The following APTX variants were observed in gnomAD, a reference collection of about 807,000 sequenced individuals.
APTX encodes the protein forkhead-associated domain histidine triad-like protein.
A neutral mutation model predicts 42.3 loss-of-function variants in APTX; 33 were observed. The observed-to-expected ratio is 0.78, with a 90% CI of 0.59 to 1.04. The LOEUF is 1.04. Among genes scored for constraint, APTX ranks in the 50% least tolerant of loss-of-function variants. The pLI is 0.00. For missense variants in APTX, 421 were observed against 415.1 expected (o/e 1.01, Z -0.12); for synonymous variants, 130 against 146.7 (o/e 0.89, Z 0.82).
At chr9:33,004,188 CAT>C (rs769046883), upstream of APTX, among the ~76,000 whole-genome samples, 4 of 152,224 alleles carry the variant, frequency 2.6e-5, no homozygotes, top group East Asian at 1.9e-4. Flanking sequence ...CCAAATACCA[CAT>C]GTTCTCACTT....
intron 6 of APTX, among the ~76,000 whole-genome samples, chr9:32,976,655 G>A (rs780160780): frequency 2.0e-5 from 3 of 152,116 alleles, no homozygotes; most frequent in African/African-American, 2.4e-5. Flanking sequence ...TTCTTCCTAT[G>A]AGGGAAAAAA....
chr9:32,980,836 GA>G (rs1186063690), intron 6 of APTX, among the ~76,000 whole-genome samples: 1 of 152,224 alleles, frequency 6.6e-6, no homozygotes, highest in Non-Finnish European at 1.5e-5. Flanking sequence ...GTTTGGGGAA[GA>G]AAATCAGGAA....
intron 5 of APTX, 30 bp downstream of exon 5, chr9:32,985,941 T>C: frequency 1.3e-6 from 2 of 1,595,916 alleles, no homozygotes; most frequent in Non-Finnish European, 1.7e-6. Flanking sequence ...CAACATGAAA[T>C]GTACTGAAAT....
chr9:33,005,151 AT>A (rs1427572500), upstream of APTX, among the ~76,000 whole-genome samples: 1 of 152,042 alleles, frequency 6.6e-6, no homozygotes, highest in African/African-American at 2.4e-5. Context: ...TTCTTTATAT[AT>A]TCTGGATATT....
At chr9:33,016,170 T>C (rs1837887192) in intron 1 of APTX, 1 of 152,256 alleles carries the variant, frequency 6.6e-6, no homozygotes, top group Non-Finnish European at 1.5e-5. Flanking sequence ...TCCCGAATTC[T>C]TTCCACTTTT....
chr9:33,001,532 A>C (rs535449788), intron 1 of APTX, 35 bp downstream of exon 1: 2 of 1,613,534 alleles, frequency 1.2e-6, no homozygotes, highest in Admixed American at 1.7e-5. Flanking sequence ...CATTGAGCCC[A>C]GCCAGCAGAA....
At chr9:33,021,141 AAAAG>A (rs1838346335) in intron 1 of APTX, among the ~76,000 whole-genome samples, 1 of 151,936 alleles carries the variant, frequency 6.6e-6, no homozygotes, top group African/African-American at 2.4e-5. Flanking sequence ...AAAAAAAAAA[AAAAG>A]AAAGTATGAA....
At chr9:33,024,107 C>G (rs1291435752) in intron 1 of APTX, among the ~76,000 whole-genome samples, 3 of 152,258 alleles carry the variant, frequency 2.0e-5, no homozygotes, top group Non-Finnish European at 4.4e-5. Flanking sequence ...CATGGTTTCT[C>G]TGGCAGTCTG....
Position 32,986,031 on chromosome 9 carries a change from CTAAAAAAAAAA to C in APTX, c.484-12_484-2del, listed in dbSNP as rs1831929456. 1 of 863,070 alleles carries C rather than the reference CTAAAAAAAAAA, an allele frequency of 1.2e-6. No individual in the cohort carries two copies. Among genetic ancestry groups the C allele is most frequent in the Admixed American group, 2.7e-5 (1 of 37,002 alleles). The allele number at this position is 863,070 out of a possible 1,614,324, so 53.5% of individuals were successfully genotyped here. On this transcript the variant is annotated splice_acceptor_variant and splice_polypyrimidine_tract_variant and intron_variant, in intron 4 of 7. Transcript: ENST00000379817. LOFTEE classifies it high-confidence loss of function. ...CTTGACTCCAGTGGCCCAGGGATTC[CTAAAAAAAAAA>C]CAAAAAAAAAAACAAAAAAAAAAAA...
chr9:33,005,346 CTTATG>C (rs1390724354), upstream of APTX, among the ~76,000 whole-genome samples: 1 of 150,754 alleles, frequency 6.6e-6, no homozygotes, highest in Non-Finnish European at 1.5e-5. Flanking sequence ...AAACTTTTCC[CTTATG>C]TTTTCTAAGA....
At chr9:33,006,815 A>G (rs1349436035) in intron 1 of APTX, among the ~76,000 whole-genome samples, 5 of 151,906 alleles carry the variant, frequency 3.3e-5, no homozygotes, top group African/African-American at 9.7e-5. Flanking sequence ...CCTGGCTAAC[A>G]TGGTGAAACC....
chr9:32,973,887 T>C (rs888715416), intron 7 of APTX, among the ~76,000 whole-genome samples: 2 of 151,942 alleles, frequency 1.3e-5, no homozygotes, highest in Non-Finnish European at 2.9e-5. Flanking sequence ...CTCTAGGCAA[T>C]CCATGTTACT....
In APTX at chr9:32,973,614, C is replaced by T. The variant is rs1353920862; in HGVS notation, c.913G>A (p.Val305Ile). 6.2e-7 allele frequency: 1 copy of T among 1,612,418 alleles called. No individual in the cohort carries two copies. The highest frequency in any genetic ancestry group is 8.5e-7 in the Non-Finnish European group (1 of 1,179,806). ...AAGAGCTCAGGCATCCCATCTCGGA[C>T]AGTTACTCTACCAGCCTCTTGTACC... ...EMVQEAGRVT[V>I]RDGMPELLKL... Residue 305 changes from valine to isoleucine, a missense_variant, in exon 8 of 8, where the codon GTC (valine) becomes ATC (isoleucine). Coordinates refer to ENST00000379817, the MANE Select transcript of APTX (RefSeq NM_001195248.2).
At chr9:33,003,621 G>C (rs1836905390), upstream of APTX, among the ~76,000 whole-genome samples, 2 of 151,196 alleles carry the variant, frequency 1.3e-5, no homozygotes, top group African/African-American at 4.8e-5. Flanking sequence ...GATAGAGCAA[G>C]ACTCTGCCTC....
chr9:32,988,093 T>G lies in APTX; in HGVS notation c.170A>C (p.Lys57Thr), dbSNP rs572063713. 6.2e-7 allele frequency: 1 copy of G among 1,614,136 alleles called. No individual in the cohort carries two copies. Among genetic ancestry groups the G allele is most frequent in the Admixed American group, 1.7e-5 (1 of 60,024 alleles). Residue 57 changes from lysine (K) to threonine (T), a missense_variant, in exon 3 of 8, where the codon AAG (lysine) becomes ACG (threonine). Coordinates refer to ENST00000379817, the MANE Select transcript of APTX (RefSeq NM_001195248.2). ...LKAECNKGYV[K>T]VKQVGVNPTS... ...TATAAATACACCTACCTGCTTTACC[T>G]TGACATATCCCTTGTTACACTCTGC...
chr9:33,010,316 A>C (rs766491035), intron 1 of APTX, among the ~76,000 whole-genome samples: 3 of 152,164 alleles, frequency 2.0e-5, no homozygotes, highest in Non-Finnish European at 4.4e-5. Flanking sequence ...AAACCAAAGC[A>C]ACTCTAGCTC....
intron 1 of APTX, among the ~76,000 whole-genome samples, chr9:33,006,999 C>CAAAAAAAA (rs55924566): frequency 8.3e-4 from 41 of 49,458 alleles, no homozygotes; most frequent in Non-Finnish European, 1.2e-3. Context: ...GACTCTGTCT[C>CAAAAAAAA]AAAAAAAAAA....
chr9:33,024,861 A>AC (rs1838730800), intron 1 of APTX: 1 of 54,790 alleles, frequency 1.8e-5, no homozygotes, highest in South Asian at 1.2e-3. Flanking sequence ...CGCCCGTAAG[A>AC]GGGGGGGGGG....
At chr9:32,973,884 C>T (rs1333249466) in intron 7 of APTX, among the ~76,000 whole-genome samples, 1 of 152,022 alleles carries the variant, frequency 6.6e-6, no homozygotes, top group Admixed American at 6.6e-5. Flanking sequence ...ACACTCTAGG[C>T]AATCCATGTT....
Sources: gnomAD v4.1 joint callset for allele counts (sites outside exome capture counted in the v4.1 genomes callset) on GRCh38, gnomAD v4.1.1 for gene constraint, MANE v1.5 for transcripts, NCBI Gene and HGNC (gene_info 2026-07-23, HGNC 2026-07-21) for gene names.